PPP2R2B: variants seen among roughly 807,000 people sequenced by gnomAD.
PPP2R2B encodes the protein protein phosphatase 2 regulatory subunit Bbeta.
A neutral mutation model predicts 46.0 loss-of-function variants in PPP2R2B; 5 were observed. The observed-to-expected ratio is 0.11, with a 90% CI of 0.06 to 0.23. The LOEUF is 0.23. Among genes scored for constraint, PPP2R2B ranks in the 10% least tolerant of loss-of-function variants. PPP2R2B has a pLI of 1.00. For missense variants in PPP2R2B, 367 were observed against 575.0 expected, an observed-to-expected ratio of 0.64 and a Z score of 3.70; for synonymous variants, 215 against 206.7, an observed-to-expected ratio of 1.04 and a Z score of -0.34.
intron 2 of PPP2R2B, among the ~76,000 whole-genome samples, chr5:147,066,140 T>C (rs1757409179): frequency 6.6e-6 from 1 of 152,106 alleles, no homozygotes; most frequent in African/African-American, 2.4e-5. Flanking sequence ...AAATCATAGG[T>C]TTTCTGGTGA....
In PPP2R2B at chr5:146,878,159, G is replaced by A. The variant is rs1762010721; in HGVS notation, c.-88C>T. On this transcript the variant is annotated 5_prime_UTR_variant, in exon 2 of 10. Transcript: ENST00000394411. This position sits in a 1 kb window ranked among gnomAD's most constrained non-coding sequence, Gnocchi z 4.5. ...CGCAGCCAGTCTCACAGGAGAGGGG[G>A]GCAGGGGAGCCAGTGGGACTGCACC... 1 of 1,606,242 alleles carries A rather than the reference G, an allele frequency of 6.2e-7. No homozygotes were observed. The highest frequency in any genetic ancestry group is 8.5e-7 in the Non-Finnish European group (1 of 1,176,102).
At chr5:146,928,259 C>T (rs1453500333) in intron 1 of PPP2R2B, among the ~76,000 whole-genome samples, 3 of 151,700 alleles carry the variant, frequency 2.0e-5, no homozygotes, top group Non-Finnish European at 4.4e-5. Flanking sequence ...ATTTATTGGC[C>T]CTTTTTAGGT....
intron 2 of PPP2R2B, among the ~76,000 whole-genome samples, chr5:147,070,609 G>A (rs752784103): frequency 1.5e-4 from 23 of 152,320 alleles, no homozygotes; most frequent in African/African-American, 2.2e-4. Context: ...GAAGCTTGGT[G>A]TCTGGATTTG....
chr5:146,737,096 G>T (rs115875332), intron 2 of PPP2R2B, among the ~76,000 whole-genome samples: 3 of 152,062 alleles, frequency 2.0e-5, no homozygotes, highest in African/African-American at 7.2e-5. Context: ...TTCAAATCCT[G>T]GTGTGTATTT....
intron 1 of PPP2R2B, among the ~76,000 whole-genome samples, chr5:146,968,672 T>C (rs1383850854): frequency 6.6e-6 from 1 of 152,222 alleles, no homozygotes; most frequent in Non-Finnish European, 1.5e-5. Flanking sequence ...ATTATTGACA[T>C]TTCTCCATCA....
intron 2 of PPP2R2B, among the ~76,000 whole-genome samples, chr5:146,730,038 A>T (rs1752131881): frequency 6.6e-6 from 1 of 152,202 alleles, no homozygotes; most frequent in South Asian, 2.1e-4. Context: ...CAGACACTCA[A>T]TGCCAACCCA....
At chr5:146,760,937 A>G (rs1754125648) in intron 2 of PPP2R2B, among the ~76,000 whole-genome samples, 1 of 152,258 alleles carries the variant, frequency 6.6e-6, no homozygotes, top group Non-Finnish European at 1.5e-5. Flanking sequence ...TGGCCATCAG[A>G]GAAATGCAAA....
intron 6 of PPP2R2B, among the ~76,000 whole-genome samples, chr5:146,647,890 G>C (rs1055185894): frequency 3.3e-5 from 5 of 152,208 alleles, no homozygotes; most frequent in Non-Finnish European, 7.3e-5. Flanking sequence ...GACAGCATGT[G>C]GAGTCTGTTC....
chr5:146,837,834 G>A (rs1397702635), intron 2 of PPP2R2B, among the ~76,000 whole-genome samples: 1 of 152,114 alleles, frequency 6.6e-6, no homozygotes, highest in African/African-American at 2.4e-5. Flanking sequence ...ACAATTCTAG[G>A]AAGTTCAAAA....
At chr5:147,075,821 T>C (rs901885468) in intron 2 of PPP2R2B, among the ~76,000 whole-genome samples, 3 of 152,166 alleles carry the variant, frequency 2.0e-5, no homozygotes, top group African/African-American at 4.8e-5. Flanking sequence ...TAAAGCCACA[T>C]TGTCTCTCAT....
intron 2 of PPP2R2B, among the ~76,000 whole-genome samples, chr5:146,725,990 G>A (rs1171012692): frequency 1.3e-5 from 2 of 152,172 alleles, no homozygotes; most frequent in African/African-American, 4.8e-5. Context: ...GGGCTGGTGT[G>A]CTGGATAGAG....
chr5:146,675,436 G>A (rs1230549309), intron 5 of PPP2R2B, among the ~76,000 whole-genome samples: 1 of 152,144 alleles, frequency 6.6e-6, no homozygotes, highest in Non-Finnish European at 1.5e-5. Flanking sequence ...CTGTGGGATA[G>A]CAGGTTAGTT....
intron 1 of PPP2R2B, among the ~76,000 whole-genome samples, chr5:146,897,664 A>T (rs1393391124): frequency 6.6e-6 from 1 of 152,224 alleles, no homozygotes. Context: ...ATATAAAAAC[A>T]TATACTGGAG....
chr5:147,067,606 T>C (rs185493267), intron 2 of PPP2R2B, among the ~76,000 whole-genome samples: 7 of 152,214 alleles, frequency 4.6e-5, no homozygotes, highest in Admixed American at 2.6e-4. Context: ...CATTAAGTGG[T>C]AAAGTGGAAG....
At chr5:146,820,039 G>C (rs1465540055) in intron 2 of PPP2R2B, among the ~76,000 whole-genome samples, 1 of 152,202 alleles carries the variant, frequency 6.6e-6, no homozygotes, top group Admixed American at 6.5e-5. Flanking sequence ...GAAGTAGAGA[G>C]TAGAATTGTG....
chr5:146,671,109 G>A (rs908512434), intron 5 of PPP2R2B, among the ~76,000 whole-genome samples: 3 of 152,104 alleles, frequency 2.0e-5, no homozygotes, highest in African/African-American at 7.2e-5. Context: ...AGCAAGAAAG[G>A]AGGGAATAAC....
chr5:146,662,992 A>G (rs1483793055), intron 5 of PPP2R2B, among the ~76,000 whole-genome samples: 10 of 152,188 alleles, frequency 6.6e-5, no homozygotes, highest in African/African-American at 2.2e-4. Context: ...TAATCTTATA[A>G]AAGATTAATC....
Position 146,698,099 on chromosome 5 carries a change from T to A in PPP2R2B, c.214A>T (p.Thr72Ser). 6.2e-7 allele frequency: 1 copy of A among 1,611,402 alleles called. No individual in the cohort carries two copies. Among genetic ancestry groups the A allele is most frequent in the Non-Finnish European group, 8.5e-7 (1 of 1,178,944 alleles). The change falls in exon 4 of 10, where the codon ACA (threonine) becomes TCA (serine). Residue 72 changes from threonine (T) to serine (S), a missense_variant. Physicochemically the swap from Thr to Ser is moderately conservative, Grantham distance 58 (BLOSUM62 1). Coordinates refer to ENST00000394411, the MANE Select transcript of PPP2R2B (RefSeq NM_181675.4). ...AACTCGGGTTCATGGCTCTGGAATG[T>A]GCTGTAAACATTGTATTCACCCCTA... ...HRRGEYNVYSTFQSHEPEFDY... is the reference protein window; with the variant it reads ...HRRGEYNVYSSFQSHEPEFDY...
chr5:147,027,553 A>C (rs1193441860), intron 1 of PPP2R2B, among the ~76,000 whole-genome samples: 1 of 151,566 alleles, frequency 6.6e-6, no homozygotes, highest in Non-Finnish European at 1.5e-5. Flanking sequence ...GAATCGCTTG[A>C]ACCAGGGAGT....
Sources: gnomAD v4.1 joint callset for allele counts (sites outside exome capture counted in the v4.1 genomes callset) on GRCh38, gnomAD v4.1.1 for gene constraint, Gnocchi (gnomAD v3.1) non-coding constraint, MANE v1.5 for transcripts, NCBI Gene and HGNC (gene_info 2026-07-23, HGNC 2026-07-21) for gene names.